GIMAP7: variants seen among roughly 807,000 people sequenced by gnomAD.
GIMAP7 encodes GTPase, IMAP family member 7.
For missense variants in GIMAP7, 323 were observed against 359.7 expected (o/e 0.90, Z 0.83); for synonymous variants, 137 against 129.3 (o/e 1.06, Z -0.40).
rs369111955 is a variant in GIMAP7, at chr7:150,521,029, T to TATATATATATAC, written c.*153_*154insTATATATATACA. On this transcript the variant is annotated 3_prime_UTR_variant, in exon 2 of 2. Coordinates refer to ENST00000313543, the MANE Select transcript of GIMAP7 (RefSeq NM_153236.4). ...TGATTTTTAAATATATATATATATA[T>TATATATATATAC]ACACACATTGTGAAATAATGAAATA... 6,556 of 241,028 alleles carry TATATATATATAC rather than the reference T, an allele frequency of 0.027. 432 individuals carry two copies. The highest frequency in any genetic ancestry group is 0.14 in the African/African-American group (5,699 of 41,672). 14.9% of individuals were successfully genotyped at this position (241,028 alleles called of 1,614,324 possible). A position where few individuals can be genotyped will look rare whatever the true frequency, so the allele number is the denominator to read the frequency against.
In GIMAP7 at chr7:150,520,295, G is replaced by A. The variant is rs781652739; in HGVS notation, c.321G>A (p.Glu107=). Residue 107 remains glutamate (E), a synonymous_variant, in exon 2 of 2, where the codon GAG becomes GAA. Coordinates refer to ENST00000313543, the MANE Select transcript of GIMAP7 (RefSeq NM_153236.4). ...LVLLLGRYTE[E]EQKTVALIKA... The stretch of plus-strand genomic sequence containing the variant: ...TGCTGCTGGGCCGCTACACAGAGGA[G>A]GAGCAGAAAACCGTTGCATTGATCA... 1 of 1,614,154 alleles carries A rather than the reference G, an allele frequency of 6.2e-7. No homozygotes were observed. Among genetic ancestry groups the A allele is most frequent in the South Asian group, 1.1e-5 (1 of 91,086 alleles).
intron 1 of GIMAP7, among the ~76,000 whole-genome samples, chr7:150,519,469 TAATC>T (rs1024173513): frequency 1.3e-5 from 2 of 152,192 alleles, no homozygotes; most frequent in African/African-American, 4.8e-5. Flanking sequence ...AAATCACACT[TAATC>T]ACAGTCTATT....
intron 1 of GIMAP7, among the ~76,000 whole-genome samples, chr7:150,515,444 TA>T (rs1795125308): frequency 6.6e-6 from 1 of 152,214 alleles, no homozygotes; most frequent in South Asian, 2.1e-4. Context: ...GCTGTGTCCC[TA>T]ACAGTGTAAC....
chr7:150,515,040 G>A, intron 1 of GIMAP7, 95 bp downstream of exon 1: 1 of 152,838 alleles, frequency 6.5e-6, no homozygotes, highest in Non-Finnish European at 1.5e-5. Flanking sequence ...CCTTAGGAGG[G>A]ACAAGGCACT....
At position 150,520,242 on chromosome 7, in the gene GIMAP7, C is replaced by G. The variant is rs762549629; in HGVS notation, c.268C>G (p.Pro90Ala). 71 of 1,614,164 alleles carry G rather than the reference C, an allele frequency of 4.4e-5. 1 individual carries two copies. The East Asian group carries it at 1.6e-3, about 36-fold the overall frequency. The change falls in exon 2 of 2, where the codon CCA becomes GCA. Residue 90 changes from proline to alanine, a missense_variant. Coordinates refer to ENST00000313543, the MANE Select transcript of GIMAP7 (RefSeq NM_153236.4). ...EISRCIISSC[P>A]GPHAIVLVLL... ...CAGCCGCTGCATCATCTCCTCCTGC[C>G]CAGGGCCCCATGCTATTGTCCTAGT...
rs1795186055 is a variant in GIMAP7 at position 150,521,031 on chromosome 7, C to CAT, written c.*155_*156insTA. Reference sequence around the variant, plus strand: ...ATTTTTAAATATATATATATATATACACACATTGTGAAATAATGAAATAAA... The same window carrying CAT: ...ATTTTTAAATATATATATATATATACATACACATTGTGAAATAATGAAATAAA... On this transcript the variant is annotated 3_prime_UTR_variant, in exon 2 of 2. Coordinates refer to ENST00000313543, the MANE Select transcript of GIMAP7 (RefSeq NM_153236.4). 1.5e-5 allele frequency: 3 copies of CAT among 204,396 alleles called. No homozygotes were observed. Among genetic ancestry groups the CAT allele is most frequent in the African/African-American group, 1.3e-4 (3 of 23,138 alleles). The allele number at this position is 204,396 out of a possible 1,614,324, so 12.7% of individuals were successfully genotyped here.
At chr7:150,519,544 A>G (rs1280197076) in intron 1 of GIMAP7, among the ~76,000 whole-genome samples, 1 of 152,190 alleles carries the variant, frequency 6.6e-6, no homozygotes, top group African/African-American at 2.4e-5. Flanking sequence ...AATGAGACAC[A>G]TCTTTAGTTT....
Position 150,517,842 on chromosome 7 carries a change from C to T in GIMAP7, c.-41-2092C>T, listed in dbSNP as rs556169092. Among the ~76,000 whole-genome samples, 7 of 152,154 alleles carry T rather than the reference C, an allele frequency of 4.6e-5. No individual in the cohort carries two copies. The South Asian group carries it at 1.0e-3, about 23-fold the overall frequency. On this transcript the variant is annotated intron_variant, in intron 1 of 1. Coordinates refer to ENST00000313543, the MANE Select transcript of GIMAP7 (RefSeq NM_153236.4). The stretch of plus-strand genomic sequence containing the variant: ...GAAGTCTAATGACCATTTTCTGTTC[C>T]TGTCCCTTGTACCTTGTTTCTCTCA...
intron 1 of GIMAP7, among the ~76,000 whole-genome samples, chr7:150,515,486 A>C (rs1289850124): frequency 6.6e-6 from 1 of 152,232 alleles, no homozygotes; most frequent in Non-Finnish European, 1.5e-5. Context: ...TCAGTACAAA[A>C]AGAGTTGCCA....
intron 1 of GIMAP7, 92 bp from the exon 2 acceptor site, chr7:150,519,842 T>A: frequency 1.4e-6 from 1 of 720,118 alleles, no homozygotes; most frequent in Non-Finnish European, 2.3e-6. Flanking sequence ...TATTACAAAT[T>A]TTCAGGAAGA....
chr7:150,519,328 TA>T (rs1167267643), intron 1 of GIMAP7, among the ~76,000 whole-genome samples: 1 of 152,214 alleles, frequency 6.6e-6, no homozygotes, highest in East Asian at 1.9e-4. Flanking sequence ...CAAACTACCG[TA>T]AACATGAATC....
intron 1 of GIMAP7, among the ~76,000 whole-genome samples, chr7:150,517,334 T>C (rs940320800): frequency 1.3e-5 from 2 of 152,210 alleles, no homozygotes; most frequent in African/African-American, 4.8e-5. Flanking sequence ...GGAACCTCTT[T>C]AAGGTAGCTT....
rs1795173944 is a variant in GIMAP7, at chr7:150,520,169, A to G, written c.195A>G (p.Pro65=). The G allele has an allele frequency of 5.0e-6, 8 of 1,614,012 alleles. No homozygotes were observed. The highest frequency in any genetic ancestry group is 1.3e-5 in the African/African-American group (1 of 74,936). ...GAGACCTTCTTGTTGTAGACACTCC[A>G]GGGCTCTTTGACACCAAGGAGAGCC... ...QGRDLLVVDT[P]GLFDTKESLD... The change falls in exon 2 of 2, where the codon CCA becomes CCG. Residue 65 remains proline (P), a synonymous_variant. Transcript: ENST00000313543.
At chr7:150,515,629 G>T (rs900118121) in intron 1 of GIMAP7, among the ~76,000 whole-genome samples, 2 of 152,172 alleles carry the variant, frequency 1.3e-5, no homozygotes, top group African/African-American at 4.8e-5. Context: ...CGGTGGGTCT[G>T]GCCACAGTTT....
chr7:150,520,287 A>G lies in GIMAP7; in HGVS notation c.313A>G (p.Thr105Ala). ...CCTAGTTCTGCTGCTGGGCCGCTAC[A>G]CAGAGGAGGAGCAGAAAACCGTTGC... ...IVLVLLLGRY[T>A]EEEQKTVALI... Residue 105 changes from threonine (T) to alanine (A), a missense_variant, in exon 2 of 2, where the codon ACA becomes GCA. Physicochemically the swap from Thr to Ala is moderately conservative, Grantham distance 58. Transcript: ENST00000313543. 1 of 1,614,138 alleles carries G rather than the reference A, an allele frequency of 6.2e-7. No individual in the cohort carries two copies. Among genetic ancestry groups the G allele is most frequent in the Non-Finnish European group, 8.5e-7 (1 of 1,180,030 alleles).
At chr7:150,515,473 C>CG (rs1212801588) in intron 1 of GIMAP7, among the ~76,000 whole-genome samples, 1 of 152,174 alleles carries the variant, frequency 6.6e-6, no homozygotes, top group Admixed American at 6.5e-5. Context: ...GCTGCTGCGC[C>CG]ATTCAGTACA....
intron 1 of GIMAP7, among the ~76,000 whole-genome samples, chr7:150,516,436 T>C (rs188347548): frequency 6.6e-6 from 1 of 152,184 alleles, no homozygotes; most frequent in Non-Finnish European, 1.5e-5. Flanking sequence ...CATTACATCA[T>C]TTTATCAGTA....
rs1795177263 is a variant in GIMAP7 at position 150,520,414 on chromosome 7, C to G, written c.440C>G (p.Ala147Gly). The change falls in exon 2 of 2, where the codon GCA becomes GGA. Residue 147 changes from alanine to glycine, a missense_variant. Physicochemically the swap from Ala to Gly is moderately conservative, Grantham distance 60. Coordinates refer to ENST00000313543, the MANE Select transcript of GIMAP7 (RefSeq NM_153236.4). Reference protein sequence around the residue: ...LEGQSFHDFIADADVGLKSIV... With the variant: ...LEGQSFHDFIGDADVGLKSIV... ...GGCCAGAGCTTCCATGACTTCATAG[C>G]AGATGCGGATGTGGGCCTAAAAAGC... 1 of 1,614,206 alleles carries G rather than the reference C, an allele frequency of 6.2e-7. No homozygotes were observed. Among genetic ancestry groups the G allele is most frequent in the Non-Finnish European group, 8.5e-7 (1 of 1,180,034 alleles).
intron 1 of GIMAP7, among the ~76,000 whole-genome samples, chr7:150,518,037 T>C (rs1245456881): frequency 2.0e-5 from 3 of 152,138 alleles, no homozygotes; most frequent in Admixed American, 6.5e-5. Flanking sequence ...CTTAGCAGTA[T>C]ATCACAGAGA....
Sources: allele counts gnomAD v4.1 joint callset (sites outside exome capture counted in the v4.1 genomes callset), GRCh38; gene constraint gnomAD v4.1.1; transcripts MANE v1.5; gene names NCBI Gene and HGNC (gene_info 2026-07-23, HGNC 2026-07-21).